Variants in WWOX observed in about 807,000 individuals in gnomAD.
WWOX encodes WW domain containing oxidoreductase, also known as WW domain-containing oxidoreductase.
Under a neutral mutation model 46.2 loss-of-function variants are expected in WWOX, and 69 were observed. The observed-to-expected ratio is 1.49, with a 90% CI of 1.23 to 1.82. WWOX has a LOEUF of 1.82. Ranked by LOEUF, WWOX falls within the 40% of genes most tolerant of loss-of-function variation. WWOX has a pLI of 0.00. For synonymous variants in WWOX, 359 were observed against 202.6 expected (o/e 1.77, Z -6.56); for missense variants, 919 against 542.6 (o/e 1.69, Z -6.89).
At chr16:78,900,570 A>C (rs918836527) in intron 8 of WWOX, among the ~76,000 whole-genome samples, 9 of 152,188 alleles carry the variant, frequency 5.9e-5, no homozygotes, top group Non-Finnish European at 1.3e-4. Flanking sequence ...CGTGGCCTTC[A>C]GGTTATTTGT....
intron 8 of WWOX, among the ~76,000 whole-genome samples, chr16:78,787,695 G>C (rs757245013): frequency 2.2e-4 from 33 of 152,152 alleles, no homozygotes; most frequent in Admixed American, 5.2e-4. Context: ...GAGTGGCATT[G>C]CTGGGTAATA....
At chr16:78,948,318 C>T (rs546987957) in intron 8 of WWOX, among the ~76,000 whole-genome samples, 3 of 152,182 alleles carry the variant, frequency 2.0e-5, no homozygotes, top group African/African-American at 4.8e-5. Context: ...CAAAGAACTT[C>T]TTGTCTCCCT....
At chr16:78,698,367 T>G (rs1203146806) in intron 8 of WWOX, among the ~76,000 whole-genome samples, 1 of 152,230 alleles carries the variant, frequency 6.6e-6, no homozygotes, top group African/African-American at 2.4e-5. Context: ...TTCCAGCCTT[T>G]GTGAGCACAG....
intron 8 of WWOX, chr16:79,206,085 C>G (rs1325037398): frequency 1.3e-5 from 2 of 152,074 alleles, no homozygotes; most frequent in Non-Finnish European, 2.9e-5. Flanking sequence ...TTTGTTCATC[C>G]AAATGGATAT....
intron 8 of WWOX, among the ~76,000 whole-genome samples, chr16:78,458,920 C>G (rs7195517): frequency 0.043 from 6,489 of 152,174 alleles, 470 homozygotes; most frequent in African/African-American, 0.15. Context: ...TCATTTCCAA[C>G]AATATTCATT....
chr16:78,649,815 T>G (rs1458557030), intron 8 of WWOX, among the ~76,000 whole-genome samples: 1 of 152,234 alleles, frequency 6.6e-6, no homozygotes, highest in African/African-American at 2.4e-5. Flanking sequence ...GCCTTGATTT[T>G]GCAGGTCTGA....
intron 8 of WWOX, among the ~76,000 whole-genome samples, chr16:78,885,144 C>A (rs1265216986): frequency 6.6e-6 from 1 of 151,266 alleles, no homozygotes; most frequent in Non-Finnish European, 1.5e-5. Context: ...ATGGCCAGCC[C>A]TTCTACGAGC....
At chr16:79,169,174 A>G (rs2050652457) in intron 8 of WWOX, among the ~76,000 whole-genome samples, 2 of 152,238 alleles carry the variant, frequency 1.3e-5, no homozygotes, top group South Asian at 2.1e-4. Flanking sequence ...GACTTGAAAC[A>G]TTAAATAACA....
intron 8 of WWOX, among the ~76,000 whole-genome samples, chr16:79,139,081 G>A (rs1021210702): frequency 2.6e-5 from 4 of 152,234 alleles, no homozygotes; most frequent in South Asian, 2.1e-4. Flanking sequence ...ACATGGTTCC[G>A]TCTCATCCAC....
chr16:78,781,064 A>G (rs1487664827), intron 8 of WWOX, among the ~76,000 whole-genome samples: 1 of 152,126 alleles, frequency 6.6e-6, no homozygotes, highest in Non-Finnish European at 1.5e-5. Flanking sequence ...CAACCTCAAA[A>G]CAGAAGCCTC....
chr16:78,890,088 C>T (rs995960061), intron 8 of WWOX: 5 of 152,042 alleles, frequency 3.3e-5, no homozygotes, highest in African/African-American at 9.7e-5. Flanking sequence ...GGGAAATACA[C>T]ATACACACAC....
chr16:78,892,589 A>G (rs1054745201), intron 8 of WWOX, among the ~76,000 whole-genome samples: 4 of 152,206 alleles, frequency 2.6e-5, no homozygotes, highest in African/African-American at 9.6e-5. Context: ...AAGCAGCTCC[A>G]CTTTTACCTG....
intron 8 of WWOX, among the ~76,000 whole-genome samples, chr16:78,776,547 T>G (rs2050194753): frequency 6.6e-6 from 1 of 152,218 alleles, no homozygotes; most frequent in African/African-American, 2.4e-5. Flanking sequence ...GCAGCAGCAG[T>G]GTGTGCCATA....
chr16:78,552,655 G>C (rs2044201704), intron 8 of WWOX: 1 of 152,224 alleles, frequency 6.6e-6, no homozygotes, highest in Non-Finnish European at 1.5e-5. Context: ...AGCCCGAGTA[G>C]AAGAGGACTT....
chr16:78,902,204 A>C (rs904603730), intron 8 of WWOX, among the ~76,000 whole-genome samples: 1 of 152,200 alleles, frequency 6.6e-6, no homozygotes, highest in African/African-American at 2.4e-5. Flanking sequence ...GTCTGAAACC[A>C]TCCTGTGTGC....
intron 8 of WWOX, among the ~76,000 whole-genome samples, chr16:78,681,886 C>T (rs975461651): frequency 2.0e-5 from 3 of 152,170 alleles, no homozygotes; most frequent in African/African-American, 7.2e-5. Flanking sequence ...AAGTCTCGGG[C>T]CCCACCCCGC....
At chr16:79,094,753 T>C (rs1414969547) in intron 8 of WWOX, among the ~76,000 whole-genome samples, 1 of 151,956 alleles carries the variant, frequency 6.6e-6, no homozygotes. Flanking sequence ...AATAACAACC[T>C]CTCATTTAAA....
chr16:78,818,806 G>A (rs1215779184), intron 8 of WWOX, among the ~76,000 whole-genome samples: 1 of 152,194 alleles, frequency 6.6e-6, no homozygotes, highest in Non-Finnish European at 1.5e-5. Flanking sequence ...GCCAGTATAC[G>A]TAATTCCAAA....
intron 8 of WWOX, among the ~76,000 whole-genome samples, chr16:78,568,043 C>G (rs1277062328): frequency 1.3e-5 from 2 of 152,290 alleles, no homozygotes; most frequent in African/African-American, 2.4e-5. Flanking sequence ...GAGTCTTTGT[C>G]TCATTTACAC....
Sources: allele counts gnomAD v4.1 joint callset (sites outside exome capture counted in the v4.1 genomes callset), GRCh38; gene constraint gnomAD v4.1.1; transcripts MANE v1.5; gene names NCBI Gene and HGNC (gene_info 2026-07-23, HGNC 2026-07-21).